Variants in PDE11A observed in about 807,000 individuals in gnomAD.
PDE11A encodes the protein phosphodiesterase 11A.
Under a neutral mutation model 100.5 loss-of-function variants are expected in PDE11A, and 100 were observed. The observed-to-expected ratio is 1.00, with a 90% CI of 0.85 to 1.18. The LOEUF (loss-of-function observed/expected upper bound fraction) is 1.18. Ranked by LOEUF, PDE11A falls within the 50% of genes most tolerant of loss-of-function variation. The pLI is 0.00. For synonymous variants in PDE11A, 381 were observed against 420.8 expected (o/e 0.91, Z 1.16); for missense variants, 1,141 against 1,152.6 (o/e 0.99, Z 0.15).
chr2:177,873,342 T>TTGTTTTATAAA (rs2084174287), intron 5 of PDE11A, among the ~76,000 whole-genome samples: 1 of 152,222 alleles, frequency 6.6e-6, no homozygotes, highest in African/African-American at 2.4e-5. Context: ...TTTTCTATCG[T>TTGTTTTATAAA]ATTTCATGTT....
chr2:177,945,682 G>A (rs1446621620), intron 2 of PDE11A, among the ~76,000 whole-genome samples: 1 of 151,948 alleles, frequency 6.6e-6, no homozygotes, highest in Non-Finnish European at 1.5e-5. Flanking sequence ...CATCTGGGAG[G>A]TGAGGAGCGT....
At chr2:177,766,850 T>A (rs111572832) in intron 10 of PDE11A, among the ~76,000 whole-genome samples, 1 of 152,258 alleles carries the variant, frequency 6.6e-6, no homozygotes, top group Non-Finnish European at 1.5e-5. Flanking sequence ...TCTGTCATGA[T>A]AAAATCTGGA....
At chr2:177,668,664 G>C (rs2080626391) in intron 18 of PDE11A, among the ~76,000 whole-genome samples, 2 of 152,166 alleles carry the variant, frequency 1.3e-5, no homozygotes. Flanking sequence ...AGCAAAGAAG[G>C]ATGTCTTAAA....
chr2:177,924,863 A>G (rs1251568095), intron 2 of PDE11A, among the ~76,000 whole-genome samples: 34 of 145,314 alleles, frequency 2.3e-4, no homozygotes, highest in Admixed American at 6.2e-4. Context: ...ATATCTCCCA[A>G]TGCTATCCCT....
intron 2 of PDE11A, among the ~76,000 whole-genome samples, chr2:178,097,733 T>C (rs2087513272): frequency 6.6e-6 from 1 of 151,918 alleles, no homozygotes; most frequent in South Asian, 2.1e-4. Flanking sequence ...CTGATAAAAA[T>C]GAAATGGAAA....
At chr2:177,662,729 AC>A (rs1345015283) in intron 19 of PDE11A, among the ~76,000 whole-genome samples, 2 of 152,230 alleles carry the variant, frequency 1.3e-5, no homozygotes, top group Non-Finnish European at 2.9e-5. Context: ...TTAAAACTTT[AC>A]CTGATTTTAT....
chr2:177,650,918 T>C (rs565916312), intron 19 of PDE11A, among the ~76,000 whole-genome samples: 1 of 152,346 alleles, frequency 6.6e-6, no homozygotes, highest in East Asian at 1.9e-4. Flanking sequence ...CTGAGGTTTG[T>C]ATAATACTAA....
At chr2:177,873,725 A>G (rs1424865356) in intron 5 of PDE11A, among the ~76,000 whole-genome samples, 1 of 152,138 alleles carries the variant, frequency 6.6e-6, no homozygotes, top group Non-Finnish European at 1.5e-5. Flanking sequence ...CTCTTCCTAT[A>G]ATTTTGATGT....
intron 2 of PDE11A, among the ~76,000 whole-genome samples, chr2:177,951,955 G>A (rs949498111): frequency 1.3e-5 from 2 of 152,182 alleles, no homozygotes; most frequent in African/African-American, 4.8e-5. Flanking sequence ...TGTGCACAAC[G>A]TGCAGGTTTG....
At chr2:177,818,011 C>CT (rs1361981137) in intron 7 of PDE11A, 86 bp from the exon 8 acceptor site, 2 of 751,870 alleles carry the variant, frequency 2.7e-6, no homozygotes, top group Admixed American at 1.8e-5. Context: ...AACTCTATGC[C>CT]TTTTTTAAGG....
intron 1 of PDE11A, among the ~76,000 whole-genome samples, chr2:178,052,579 G>T (rs917623106): frequency 3.0e-4 from 45 of 152,080 alleles, no homozygotes; most frequent in Non-Finnish European, 5.6e-4. Flanking sequence ...CCAGGAGCTG[G>T]TTTTTTGAAA....
intron 10 of PDE11A, among the ~76,000 whole-genome samples, chr2:177,745,547 A>G (rs1044238172): frequency 6.6e-6 from 1 of 152,184 alleles, no homozygotes; most frequent in African/African-American, 2.4e-5. Context: ...CCAGGGTGGG[A>G]AGCCAGGGCT....
At chr2:177,757,190 C>CA (rs1272597587) in intron 10 of PDE11A, among the ~76,000 whole-genome samples, 4 of 152,056 alleles carry the variant, frequency 2.6e-5, no homozygotes, top group Non-Finnish European at 5.9e-5. Flanking sequence ...GGTAAGGCAC[C>CA]AAAAACTGGC....
chr2:177,992,731 C>A (rs1225365694), intron 2 of PDE11A, among the ~76,000 whole-genome samples: 1 of 151,940 alleles, frequency 6.6e-6, no homozygotes. Context: ...TTTAAAGATC[C>A]CTCAGTTTGA....
chr2:178,072,523 ACC>A lies in PDE11A; in HGVS notation c.-88_-87del, dbSNP rs2087150138. ...CCTCTAGCTGTTCCTGCACATGTTCACCCCCACCAGTATTCCCAGTTCAGCGC... is the reference window on the plus strand; with the variant it reads ...CCTCTAGCTGTTCCTGCACATGTTCACCCACCAGTATTCCCAGTTCAGCGC... On this transcript the variant is annotated 5_prime_UTR_variant, in exon 1 of 20. Transcript: ENST00000286063. The A allele has an allele frequency of 1.9e-6, 3 of 1,577,450 alleles. No individual in the cohort carries two copies. Among genetic ancestry groups the A allele is most frequent in the East Asian group, 4.6e-5 (2 of 43,292 alleles).
At chr2:178,064,854 C>A (rs555349641) in intron 1 of PDE11A, among the ~76,000 whole-genome samples, 1 of 149,686 alleles carries the variant, frequency 6.7e-6, no homozygotes, top group Non-Finnish European at 1.5e-5. Flanking sequence ...CTTTTTTTTT[C>A]TTCAGGAAAA....
intron 9 of PDE11A, among the ~76,000 whole-genome samples, chr2:177,778,114 T>C (rs1208744361): frequency 6.6e-6 from 1 of 152,250 alleles, no homozygotes; most frequent in African/African-American, 2.4e-5. Context: ...AGTCACGTTT[T>C]TGTGTTGCAT....
intron 2 of PDE11A, among the ~76,000 whole-genome samples, chr2:177,972,422 G>A (rs2085783623): frequency 6.6e-6 from 1 of 152,220 alleles, no homozygotes; most frequent in Non-Finnish European, 1.5e-5. Context: ...ATCCAGTGAA[G>A]TGGTGGGGAG....
intron 1 of PDE11A, among the ~76,000 whole-genome samples, chr2:178,026,391 G>A (rs1156597196): frequency 6.6e-6 from 1 of 152,156 alleles, no homozygotes. Flanking sequence ...ACCGGGCGCT[G>A]TGGCCAACAC....
Sources: gnomAD v4.1 joint callset for allele counts (sites outside exome capture counted in the v4.1 genomes callset) on GRCh38, gnomAD v4.1.1 for gene constraint, MANE v1.5 for transcripts, NCBI Gene and HGNC (gene_info 2026-07-23, HGNC 2026-07-21) for gene names.